Variants in CRACD observed in about 807,000 individuals in gnomAD.
The protein encoded by CRACD is capping protein-inhibiting regulator of actin dynamics.
In CRACD, 56 loss-of-function variants were observed where a neutral mutation model predicts 106.8. The observed-to-expected ratio is 0.52, with a 90% CI of 0.42 to 0.66. The LOEUF (loss-of-function observed/expected upper bound fraction) is 0.66, where lower values mean the gene tolerates loss of function less well. Among genes scored for constraint, CRACD ranks in the 30% least tolerant of loss-of-function variants. CRACD has a pLI of 0.00. For missense variants in CRACD, 1,730 were observed against 1,623.2 expected (o/e 1.07, Z -1.13); for synonymous variants, 754 against 670.8 (o/e 1.12, Z -1.92).
rs932641759 is a variant in CRACD, at chr4:56,330,082, T to C, written c.*2278T>C. ...TGCACTAAATACCAATGAAGTGTTA[T>C]TTTGCTTTAGTAGTCTTCTGAGCAA... On this transcript the variant is annotated 3_prime_UTR_variant, in exon 11 of 11. Coordinates refer to ENST00000682029, the MANE Select transcript of CRACD (RefSeq NM_001393381.1). 1.3e-5 allele frequency among the ~76,000 whole-genome samples: 2 copies of C among 152,208 alleles called. No individual in the cohort carries two copies. The highest frequency in any genetic ancestry group is 2.4e-5 in the African/African-American group (1 of 41,450).
intron 2 of CRACD, among the ~76,000 whole-genome samples, chr4:56,262,394 T>C (rs1041374503): frequency 3.9e-5 from 6 of 152,188 alleles, no homozygotes; most frequent in Non-Finnish European, 5.9e-5. Flanking sequence ...TGTTCTACAT[T>C]CTCCTAGTGT....
At chr4:56,304,198 G>C (rs187610683) in intron 4 of CRACD, among the ~76,000 whole-genome samples, 2 of 151,608 alleles carry the variant, frequency 1.3e-5, no homozygotes, top group Admixed American at 1.3e-4. Context: ...CATTTTCTCT[G>C]TTCCCTGTCC....
At chr4:56,307,010 A>G (rs1744761562) in intron 4 of CRACD, among the ~76,000 whole-genome samples, 1 of 152,196 alleles carries the variant, frequency 6.6e-6, no homozygotes, top group South Asian at 2.1e-4. Flanking sequence ...GTCTCAAGCT[A>G]AGGGCTGGTG....
chr4:56,122,481 C>A (rs922867753), intron 1 of CRACD, among the ~76,000 whole-genome samples: 4 of 152,186 alleles, frequency 2.6e-5, no homozygotes, highest in Non-Finnish European at 5.9e-5. Flanking sequence ...CTGCCCTGGG[C>A]TTGATACACC....
chr4:56,223,936 TTTTGTGG>T (rs1362036066), intron 2 of CRACD, among the ~76,000 whole-genome samples: 3 of 152,096 alleles, frequency 2.0e-5, no homozygotes, highest in Non-Finnish European at 2.9e-5. Context: ...TTTTTTAATT[TTTTGTGG>T]AGACAGGGTC....
At chr4:56,256,169 GT>G (rs927003989) in intron 2 of CRACD, among the ~76,000 whole-genome samples, 38 of 152,318 alleles carry the variant, frequency 2.5e-4, no homozygotes, top group African/African-American at 9.1e-4. Flanking sequence ...ATTCCGACAT[GT>G]TGTGGGAGGG....
chr4:56,259,012 C>T (rs1577817039), intron 2 of CRACD, among the ~76,000 whole-genome samples: 1 of 152,142 alleles, frequency 6.6e-6, no homozygotes, highest in Non-Finnish European at 1.5e-5. Context: ...GATTCAGTCG[C>T]TCACACTCTT....
At chr4:56,084,301 T>C (rs1271298730) in intron 1 of CRACD, among the ~76,000 whole-genome samples, 1 of 152,218 alleles carries the variant, frequency 6.6e-6, no homozygotes, top group Non-Finnish European at 1.5e-5. Flanking sequence ...TTCTTCTTCC[T>C]TCCTGCCTTC....
At chr4:56,134,225 C>T (rs1401347305) in intron 1 of CRACD, among the ~76,000 whole-genome samples, 1 of 151,716 alleles carries the variant, frequency 6.6e-6, no homozygotes, top group African/African-American at 2.4e-5. Context: ...AAGAAATCGA[C>T]TCAGAAGGGT....
chr4:56,110,924 G>C (rs1734101294), intron 1 of CRACD, among the ~76,000 whole-genome samples: 1 of 152,120 alleles, frequency 6.6e-6, no homozygotes, highest in African/African-American at 2.4e-5. Context: ...TAAACAATTT[G>C]TGGAGAATTT....
chr4:56,289,212 A>G (rs1743556219), intron 3 of CRACD, among the ~76,000 whole-genome samples: 2 of 152,206 alleles, frequency 1.3e-5, no homozygotes, highest in Non-Finnish European at 2.9e-5. Context: ...TCATTGTAAT[A>G]TGAGTGTATT....
chr4:56,247,016 G>A (rs181414467), intron 2 of CRACD, among the ~76,000 whole-genome samples: 1 of 152,292 alleles, frequency 6.6e-6, no homozygotes, highest in Non-Finnish European at 1.5e-5. Context: ...CCCTCTGTAA[G>A]TCATTCTCTC....
rs189852793 is a variant in CRACD, at chr4:56,160,089, C to T, written c.-335-19195C>T. Among the ~76,000 whole-genome samples the T allele has an allele frequency of 1.7e-4, 26 of 152,034 alleles. 1 individual carries two copies. The highest frequency in any genetic ancestry group is 1.4e-3 in the Admixed American group (22 of 15,256). On this transcript the variant is annotated intron_variant, in intron 1 of 10. Transcript: ENST00000682029. ...AGCCACTGTACCCGGCCAAAAATGA[C>T]TTTCATTGGAATTTTTTTTCTAAAA...
chr4:56,313,549 C>A lies in CRACD; in HGVS notation c.537+170C>A, dbSNP rs1052097139. 2.0e-5 allele frequency among the ~76,000 whole-genome samples: 3 copies of A among 152,216 alleles called. 1 individual carries two copies. Among genetic ancestry groups the A allele is most frequent in the South Asian group, 4.1e-4 (2 of 4,834 alleles). ...AATACACAGGCCTGTTTACTTTCCT[C>A]GCCCTTTCTGGCATGAGGCTGGTGG... On this transcript the variant is annotated intron_variant, in intron 7 of 10. Transcript: ENST00000682029.
At chr4:56,053,723 A>T (rs1560436983) in intron 1 of CRACD, among the ~76,000 whole-genome samples, 1 of 152,192 alleles carries the variant, frequency 6.6e-6, no homozygotes, top group Non-Finnish European at 1.5e-5. Flanking sequence ...TAAACAGTTT[A>T]TTTGTTGAAT....
chr4:56,084,611 C>T (rs1010895308), intron 1 of CRACD, among the ~76,000 whole-genome samples: 6 of 152,060 alleles, frequency 3.9e-5, no homozygotes, highest in African/African-American at 1.2e-4. Flanking sequence ...AGAACAAGGC[C>T]GTGGGCACTG....
At chr4:56,262,579 C>T (rs915293576) in intron 2 of CRACD, among the ~76,000 whole-genome samples, 4 of 152,132 alleles carry the variant, frequency 2.6e-5, no homozygotes, top group African/African-American at 9.7e-5. Context: ...TGGCCCAAGG[C>T]AGTTCTTCTT....
intron 2 of CRACD, among the ~76,000 whole-genome samples, chr4:56,183,235 AAAAATAAAATAAAATAAAAT>A (rs201101283): frequency 1.4e-4 from 18 of 124,440 alleles, no homozygotes; most frequent in South Asian, 5.1e-4. Context: ...CTCCGTCTCA[AAAAATAAAATAAAATAAAAT>A]AAAATAAAAT....
chr4:56,175,710 T>C (rs2109428649), intron 1 of CRACD, among the ~76,000 whole-genome samples: 1 of 152,340 alleles, frequency 6.6e-6, no homozygotes, highest in Non-Finnish European at 1.5e-5. Flanking sequence ...ATGGATAGTT[T>C]GCAAATGTTT....
Sources: allele counts gnomAD v4.1 joint callset (sites outside exome capture counted in the v4.1 genomes callset), GRCh38; gene constraint gnomAD v4.1.1; transcripts MANE v1.5; gene names NCBI Gene and HGNC (gene_info 2026-07-23, HGNC 2026-07-21).